The following GLIS3 variants were observed in gnomAD, a reference collection of about 807,000 sequenced individuals.
GLIS3 encodes the protein GLIS family zinc finger 3, also known as zinc finger protein GLIS3.
A neutral mutation model predicts 78.6 loss-of-function variants in GLIS3; 53 were observed. The ratio of observed to expected loss-of-function variants is 0.67; its 90% CI spans 0.54 to 0.85. The LOEUF (loss-of-function observed/expected upper bound fraction) is 0.85. GLIS3 is among the 40% of genes least tolerant of loss of function. The pLI is 0.00. For missense variants in GLIS3, 1,703 were observed against 1,231.1 expected (o/e 1.38, Z -5.74); for synonymous variants, 684 against 509.9 (o/e 1.34, Z -4.60).
the GLIS3 span, among the ~76,000 whole-genome samples, chr9:4,369,872 G>C: frequency 1.3e-5 from 2 of 152,284 alleles, no homozygotes; most frequent in Admixed American, 6.5e-5. Context: ...GCAGGACGTG[G>C]TGAATGGAGA....
intron 2 of GLIS3, among the ~76,000 whole-genome samples, chr9:4,211,664 T>A (rs1820385425): frequency 6.6e-6 from 1 of 152,188 alleles, no homozygotes; most frequent in Non-Finnish European, 1.5e-5. Flanking sequence ...ATCCCACTCG[T>A]AAATATTTAT....
chr9:4,085,420 G>C (rs1336211072), intron 4 of GLIS3, among the ~76,000 whole-genome samples: 1 of 152,014 alleles, frequency 6.6e-6, no homozygotes. Context: ...TCCTTCTGTA[G>C]TATCTCTCAG....
chr9:4,227,470 G>C lies in GLIS3; in HGVS notation c.388+58568C>G, dbSNP rs140619112. On this transcript the variant is annotated intron_variant, in intron 2 of 10. Transcript: ENST00000381971. Reference sequence around the variant, plus strand: ...ATATGGAGCTCCATCCTAGCACAAAGGCAAAATATGGGGCCGATCAGTATT... The same window carrying C: ...ATATGGAGCTCCATCCTAGCACAAACGCAAAATATGGGGCCGATCAGTATT... Among the ~76,000 whole-genome samples the C allele has an allele frequency of 8.5e-5, 13 of 152,228 alleles. No homozygotes were observed. In the East Asian group the frequency reaches 2.5e-3, roughly 29 times the overall value.
At chr9:4,416,933 C>T in the GLIS3 span, among the ~76,000 whole-genome samples, 4 of 150,366 alleles carry the variant, frequency 2.7e-5, no homozygotes, top group Admixed American at 6.8e-5. Flanking sequence ...ATTCTCCTTC[C>T]TCAGCCTAGT....
chr9:3,874,188 A>T (rs1438053107), intron 8 of GLIS3, among the ~76,000 whole-genome samples: 1 of 152,148 alleles, frequency 6.6e-6, no homozygotes, highest in Non-Finnish European at 1.5e-5. Context: ...CAACCCCCAA[A>T]CTCTGAGGGA....
chr9:4,221,603 A>G (rs1413737397), intron 2 of GLIS3, among the ~76,000 whole-genome samples: 6 of 152,128 alleles, frequency 3.9e-5, no homozygotes, highest in Non-Finnish European at 4.4e-5. Context: ...TCCCCCCTTT[A>G]ATATCAAAGA....
At chr9:4,159,309 G>C (rs1835291745) in intron 2 of GLIS3, among the ~76,000 whole-genome samples, 1 of 152,160 alleles carries the variant, frequency 6.6e-6, no homozygotes, top group African/African-American at 2.4e-5. Flanking sequence ...TCTCTGCCTT[G>C]TCTTGGCCCT....
chr9:4,460,150 C>T, the GLIS3 span, among the ~76,000 whole-genome samples: 1 of 151,788 alleles, frequency 6.6e-6, no homozygotes, highest in Non-Finnish European at 1.5e-5. Flanking sequence ...CGGTGGTGGA[C>T]CAGTCAACAG....
intron 4 of GLIS3, among the ~76,000 whole-genome samples, chr9:4,101,420 G>C (rs550647987): frequency 1.3e-5 from 2 of 152,222 alleles, no homozygotes; most frequent in Middle Eastern, 3.4e-3. Flanking sequence ...TCTTTCATGA[G>C]CATAGTGGGA....
At chr9:4,452,409 T>G in the GLIS3 span, among the ~76,000 whole-genome samples, 2 of 152,138 alleles carry the variant, frequency 1.3e-5, no homozygotes, top group East Asian at 3.8e-4. Flanking sequence ...GACATGATTG[T>G]ATATTTAGGA....
chr9:4,338,482 T>G (rs1817787792), intron 2 of GLIS3, among the ~76,000 whole-genome samples: 1 of 151,614 alleles, frequency 6.6e-6, no homozygotes, highest in Admixed American at 6.6e-5. Flanking sequence ...TATTTGGGAG[T>G]CACCATACTA....
the GLIS3 span, among the ~76,000 whole-genome samples, chr9:4,434,248 C>T: frequency 6.6e-6 from 1 of 152,122 alleles, no homozygotes; most frequent in Admixed American, 6.5e-5. Context: ...TATTTCCAAG[C>T]ACCTGCTGTA....
At chr9:4,359,349 C>T in the GLIS3 span, among the ~76,000 whole-genome samples, 1 of 152,286 alleles carries the variant, frequency 6.6e-6, no homozygotes, top group Admixed American at 6.5e-5. Context: ...TTCACCCAAA[C>T]TGCTTTTGGA....
chr9:4,072,766 T>C (rs1827719691), intron 4 of GLIS3, among the ~76,000 whole-genome samples: 1 of 151,620 alleles, frequency 6.6e-6, no homozygotes, highest in Non-Finnish European at 1.5e-5. Flanking sequence ...TGTTGTTATA[T>C]CACTGTGCTG....
rs894765810 is a variant in GLIS3 at position 3,826,488 on chromosome 9, T to C, written c.*1784A>G. 2 of 152,140 alleles carry C rather than the reference T, an allele frequency of 1.3e-5. No homozygotes were observed. The highest frequency in any genetic ancestry group is 2.4e-5 in the African/African-American group (1 of 41,438). 9.4% of individuals were successfully genotyped at this position (152,140 alleles called of 1,614,324 possible). A position where few individuals can be genotyped will look rare whatever the true frequency, so the allele number is the denominator to read the frequency against. On this transcript the variant is annotated 3_prime_UTR_variant, in exon 11 of 11. Coordinates refer to ENST00000381971, the MANE Select transcript of GLIS3 (RefSeq NM_001042413.2). ...CAGGTTTTTTAAAGTGGCTAACTCA[T>C]CTCTTTTGCAGACTTTGACGTCTAC...
intron 2 of GLIS3, among the ~76,000 whole-genome samples, chr9:4,219,912 G>C (rs928746087): frequency 6.6e-6 from 1 of 152,124 alleles, no homozygotes; most frequent in Non-Finnish European, 1.5e-5. Flanking sequence ...TCAGATCTTG[G>C]TTTCTAAATA....
At chr9:4,052,974 G>A (rs1825845833) in intron 4 of GLIS3, among the ~76,000 whole-genome samples, 1 of 152,038 alleles carries the variant, frequency 6.6e-6, no homozygotes, top group Non-Finnish European at 1.5e-5. Context: ...TTTTGAAAGA[G>A]TCTCGCTGTG....
At chr9:4,093,644 A>T (rs1564036923) in intron 4 of GLIS3, among the ~76,000 whole-genome samples, 1 of 152,154 alleles carries the variant, frequency 6.6e-6, no homozygotes, top group Non-Finnish European at 1.5e-5. Context: ...AGAAGACTGG[A>T]TACTGGTCTT....
intron 6 of GLIS3, among the ~76,000 whole-genome samples, chr9:3,926,905 G>A (rs948801787): frequency 4.6e-5 from 7 of 152,180 alleles, no homozygotes; most frequent in Non-Finnish European, 8.8e-5. Flanking sequence ...GATTACAGGC[G>A]TGAGCCATTG....
Sources: gnomAD v4.1 joint callset for allele counts (sites outside exome capture counted in the v4.1 genomes callset) on GRCh38, gnomAD v4.1.1 for gene constraint, MANE v1.5 for transcripts, NCBI Gene and HGNC (gene_info 2026-07-23, HGNC 2026-07-21) for gene names.